Variants in FSTL4 observed in about 807,000 individuals in gnomAD.
FSTL4 encodes the protein follistatin-related protein 4.
A neutral mutation model predicts 78.2 loss-of-function variants in FSTL4; 28 were observed. The ratio of observed to expected loss-of-function variants is 0.36; its 90% CI spans 0.27 to 0.49. The LOEUF is 0.49. Among genes scored for constraint, FSTL4 ranks in the 20% least tolerant of loss-of-function variants. FSTL4 has a pLI of 0.98. For missense variants in FSTL4, 922 were observed against 1,084.9 expected, an observed-to-expected ratio of 0.85 and a Z score of 2.11; for synonymous variants, 422 against 440.5, an observed-to-expected ratio of 0.96 and a Z score of 0.53.
At chr5:133,593,884 T>A (rs1760688205) in intron 2 of FSTL4, among the ~76,000 whole-genome samples, 1 of 152,128 alleles carries the variant, frequency 6.6e-6, no homozygotes, top group Non-Finnish European at 1.5e-5. Context: ...AGCAGCTGAT[T>A]GCTCCTACCT....
At chr5:133,834,837 G>A in the FSTL4 span, among the ~76,000 whole-genome samples, 1 of 151,766 alleles carries the variant, frequency 6.6e-6, no homozygotes, top group Non-Finnish European at 1.5e-5. Flanking sequence ...TGGAAAATGA[G>A]AAAAAGACTG....
At chr5:133,732,108 G>A in the FSTL4 span, among the ~76,000 whole-genome samples, 1 of 152,184 alleles carries the variant, frequency 6.6e-6, no homozygotes, top group Non-Finnish European at 1.5e-5. Context: ...ACCCTGCTAA[G>A]GTCAATCTAG....
chr5:133,214,008 A>G (rs569092495), intron 13 of FSTL4, among the ~76,000 whole-genome samples: 2 of 152,352 alleles, frequency 1.3e-5, no homozygotes, highest in South Asian at 2.1e-4. Flanking sequence ...AGAGATAAAG[A>G]GGGATATTTT....
chr5:133,485,318 T>A (rs1387586049), intron 3 of FSTL4, among the ~76,000 whole-genome samples: 1 of 152,202 alleles, frequency 6.6e-6, no homozygotes, highest in Non-Finnish European at 1.5e-5. Flanking sequence ...AATATCTGCC[T>A]GGAGACTCAC....
chr5:133,527,476 C>T (rs984902370), intron 3 of FSTL4, among the ~76,000 whole-genome samples: 1 of 67,298 alleles, frequency 1.5e-5, no homozygotes, highest in South Asian at 4.5e-4. Context: ...CACGTGTACA[C>T]ACACACACAC....
At chr5:133,756,435 A>G in the FSTL4 span, among the ~76,000 whole-genome samples, 10 of 152,026 alleles carry the variant, frequency 6.6e-5, no homozygotes, top group Admixed American at 5.2e-4. Context: ...TTTGACCCAC[A>G]TATTAAGGGG....
intron 3 of FSTL4, among the ~76,000 whole-genome samples, chr5:133,450,584 T>C (rs892047383): frequency 6.6e-6 from 1 of 152,264 alleles, no homozygotes; most frequent in African/African-American, 2.4e-5. Flanking sequence ...ATGTTGCAAG[T>C]GGACGAGCTG....
In FSTL4 at chr5:133,611,088, A is replaced by C. The variant is rs1761079296; in HGVS notation, c.-11+1237T>G. 6.6e-6 allele frequency among the ~76,000 whole-genome samples: 1 copy of C among 152,078 alleles called. No homozygotes were observed. ...TTTTCACTGGAGGAAAGCTCGGCGG[A>C]AGCGACACCTAGAGGGGAGCGGCGG... On this transcript the variant is annotated intron_variant, in intron 1 of 15. Coordinates refer to ENST00000265342, the MANE Select transcript of FSTL4 (RefSeq NM_015082.2). The surrounding 1 kb of genome is among the most constrained non-coding windows in gnomAD (Gnocchi z 4.9).
the FSTL4 span, among the ~76,000 whole-genome samples, chr5:133,732,763 C>T: frequency 5.9e-5 from 9 of 152,200 alleles, no homozygotes; most frequent in Non-Finnish European, 1.2e-4. Flanking sequence ...AGAGCCCAGG[C>T]CTGCACGGCC....
At chr5:133,819,667 G>A in the FSTL4 span, among the ~76,000 whole-genome samples, 4 of 152,182 alleles carry the variant, frequency 2.6e-5, no homozygotes, top group African/African-American at 9.7e-5. Context: ...GGCTGCCCAC[G>A]CATTGTTCCA....
Position 133,293,987 on chromosome 5 carries a change from A to C in FSTL4, c.727+18667T>G, listed in dbSNP as rs1178104781. 4.6e-5 allele frequency among the ~76,000 whole-genome samples: 7 copies of C among 151,902 alleles called. No homozygotes were observed. The East Asian group carries it at 1.4e-3, about 29-fold the overall frequency. The stretch of plus-strand genomic sequence containing the variant: ...GAGTTGGCCATATTAGATGGTCTGG[A>C]GCCTTCCCATCTGTTCTTACGCTTA... On this transcript the variant is annotated intron_variant, in intron 6 of 15. Transcript: ENST00000265342.
chr5:133,380,950 G>T (rs893501344), intron 4 of FSTL4, among the ~76,000 whole-genome samples: 1 of 152,064 alleles, frequency 6.6e-6, no homozygotes, highest in Non-Finnish European at 1.5e-5. Flanking sequence ...ATCAATTACC[G>T]TAATAAACAA....
intron 4 of FSTL4, among the ~76,000 whole-genome samples, chr5:133,329,850 C>T (rs1754301753): frequency 6.6e-6 from 1 of 152,194 alleles, no homozygotes. Flanking sequence ...ATGTCTCACT[C>T]ACGGCAGCAA....
the FSTL4 span, among the ~76,000 whole-genome samples, chr5:133,746,736 A>G: frequency 6.6e-6 from 1 of 152,202 alleles, no homozygotes; most frequent in Non-Finnish European, 1.5e-5. Flanking sequence ...ATTTTCACCA[A>G]GAAAGCAAAG....
chr5:133,465,124 T>C (rs1254353371), intron 3 of FSTL4, among the ~76,000 whole-genome samples: 2 of 152,202 alleles, frequency 1.3e-5, no homozygotes, highest in Non-Finnish European at 2.9e-5. Context: ...AATTTGCACA[T>C]AGGGCAGTCC....
At chr5:133,673,221 G>C in the FSTL4 span, among the ~76,000 whole-genome samples, 3 of 152,224 alleles carry the variant, frequency 2.0e-5, no homozygotes, top group African/African-American at 7.2e-5. Context: ...TTTCCTTAAT[G>C]ATTTTGGGGG....
At chr5:133,224,132 A>C in intron 11 of FSTL4, 58 bp downstream of exon 11, 1 of 1,429,016 alleles carries the variant, frequency 7.0e-7, no homozygotes, top group Admixed American at 1.7e-5. Context: ...AAGACGGCCC[A>C]TCATAGAACC....
chr5:133,311,312 A>C (rs1412131097), intron 6 of FSTL4, among the ~76,000 whole-genome samples: 1 of 152,178 alleles, frequency 6.6e-6, no homozygotes, highest in Non-Finnish European at 1.5e-5. Context: ...GAACCAACAT[A>C]GGCAGGTATG....
At chr5:133,831,958 C>A in the FSTL4 span, among the ~76,000 whole-genome samples, 1 of 152,182 alleles carries the variant, frequency 6.6e-6, no homozygotes, top group Admixed American at 6.5e-5. Context: ...GATAACTACA[C>A]GGTGGAGCTC....
Sources: allele counts gnomAD v4.1 joint callset (sites outside exome capture counted in the v4.1 genomes callset), GRCh38; gene constraint gnomAD v4.1.1; non-coding constraint Gnocchi (gnomAD v3.1); transcripts MANE v1.5; gene names NCBI Gene and HGNC (gene_info 2026-07-23, HGNC 2026-07-21).